The following ZFP42 variants were observed in gnomAD, a reference collection of about 807,000 sequenced individuals.
ZFP42 encodes the protein zinc finger protein 42 homolog.
For synonymous variants in ZFP42, 175 were observed against 144.6 expected (o/e 1.21, Z -1.51); for missense variants, 438 against 377.1 (o/e 1.16, Z -1.34).
chr4:188,003,908 C>T lies in ZFP42; in HGVS notation c.*168C>T, dbSNP rs944809296. On this transcript the variant is annotated 3_prime_UTR_variant, in exon 4 of 4. Coordinates refer to ENST00000326866, the MANE Select transcript of ZFP42 (RefSeq NM_174900.5). ...ACACTTTGTGATACCGTTTTAAGGACATGGTGCATTTTTTTTTCTTTTATT... is the reference window on the plus strand; with the variant it reads ...ACACTTTGTGATACCGTTTTAAGGATATGGTGCATTTTTTTTTCTTTTATT... The T allele has an allele frequency of 8.3e-6, 5 of 599,318 alleles. No homozygotes were observed. Among genetic ancestry groups the T allele is most frequent in the Non-Finnish European group, 1.4e-5 (5 of 357,754 alleles). 37.1% of individuals were successfully genotyped at this position (599,318 alleles called of 1,614,324 possible).
intron 1 of ZFP42, among the ~76,000 whole-genome samples, chr4:187,996,885 T>C (rs1733593561): frequency 6.6e-6 from 1 of 152,180 alleles, no homozygotes; most frequent in Non-Finnish European, 1.5e-5. Flanking sequence ...TGTAATGGTT[T>C]CCTTGGGACC....
intron 1 of ZFP42, among the ~76,000 whole-genome samples, chr4:187,998,486 C>T (rs189165028): frequency 4.4e-4 from 67 of 152,264 alleles, no homozygotes; most frequent in Non-Finnish European, 9.0e-4. Flanking sequence ...ACAGTGGCGT[C>T]CCAGGCCTTC....
Position 187,995,774 on chromosome 4 carries a change from T to C in ZFP42, c.-405T>C, listed in dbSNP as rs1733539581. On this transcript the variant is annotated 5_prime_UTR_variant, in exon 1 of 4. Transcript: ENST00000326866. Reference sequence around the variant, plus strand: ...GGGCAGTCCACGTTTCCACTGCAGTTTCTCCTTTGTTTTACGTTTGGGAGG... The same window carrying C: ...GGGCAGTCCACGTTTCCACTGCAGTCTCTCCTTTGTTTTACGTTTGGGAGG... 1 of 152,366 alleles carries C rather than the reference T, an allele frequency of 6.6e-6. No homozygotes were observed. Among genetic ancestry groups the C allele is most frequent in the Non-Finnish European group, 1.5e-5 (1 of 68,166 alleles). The allele number at this position is 152,366 out of a possible 1,614,324, so 9.4% of individuals were successfully genotyped here.
chr4:188,002,723 AAG>A lies in ZFP42; in HGVS notation c.-83_-82del. The A allele has an allele frequency of 8.8e-7, 1 of 1,142,016 alleles. No individual in the cohort carries two copies. The highest frequency in any genetic ancestry group is 2.4e-5 in the East Asian group (1 of 42,328). The allele number at this position is 1,142,016 out of a possible 1,614,324, so 70.7% of individuals were successfully genotyped here. ...ATTATCATAAAGCAGGTGTTTGCTG[AAG>A]ACAGCTTACTCAGATCACTACTGCC... is the stretch of plus-strand genomic sequence containing the variant. On this transcript the variant is annotated 5_prime_UTR_variant, in exon 4 of 4. Coordinates refer to ENST00000326866, the MANE Select transcript of ZFP42 (RefSeq NM_174900.5).
chr4:188,003,468 G>A lies in ZFP42; in HGVS notation c.661G>A (p.Glu221Lys), dbSNP rs1331249996. 2.5e-6 allele frequency: 4 copies of A among 1,613,902 alleles called. No homozygotes were observed. Among genetic ancestry groups the A allele is most frequent in the African/African-American group, 1.3e-5 (1 of 74,940 alleles). Reference sequence around the variant, plus strand: ...TGGTCCCCGAGACCACGTCTGTGCGGAATGTGGGAAAGCGTTCGTTGAGAG... The same window carrying A: ...TGGTCCCCGAGACCACGTCTGTGCGAAATGTGGGAAAGCGTTCGTTGAGAG... ...IHGPRDHVCA[E>K]CGKAFVESSK... Residue 221 changes from glutamate (E) to lysine (K), a missense_variant, in exon 4 of 4, where the codon GAA becomes AAA. Coordinates refer to ENST00000326866, the MANE Select transcript of ZFP42 (RefSeq NM_174900.5).
Position 188,002,932 on chromosome 4 carries a change from C to G in ZFP42, c.125C>G (p.Pro42Arg), listed in dbSNP as rs1478941839. Residue 42 changes from proline (P) to arginine (R), a missense_variant, in exon 4 of 4, where the codon CCT (proline) becomes CGT (arginine). Physicochemically the swap from Pro to Arg is moderately radical, Grantham distance 103. Transcript: ENST00000326866. ...SSQDLQAEIE[P>R]VSAVWALCDG... ...CAAGACCTGCAGGCGGAAATAGAAC[C>G]TGTCAGCGCGGTGTGGGCCTTATGT... 5 of 1,614,164 alleles carry G rather than the reference C, an allele frequency of 3.1e-6. No homozygotes were observed. The highest frequency in any genetic ancestry group is 3.3e-5 in the Admixed American group (2 of 60,022).
chr4:188,003,986 T>C lies in ZFP42; in HGVS notation c.*246T>C. Reference sequence around the variant, plus strand: ...TTTTATTTAGAACTTTGTGTGTTCTTAAAGTGTGCTTCCAACAGGAAGGTC... The same window carrying C: ...TTTTATTTAGAACTTTGTGTGTTCTCAAAGTGTGCTTCCAACAGGAAGGTC... On this transcript the variant is annotated 3_prime_UTR_variant, in exon 4 of 4. Coordinates refer to ENST00000326866, the MANE Select transcript of ZFP42 (RefSeq NM_174900.5). 2.5e-6 allele frequency: 1 copy of C among 394,410 alleles called. No homozygotes were observed. Among genetic ancestry groups the C allele is most frequent in the Middle Eastern group, 7.4e-4 (1 of 1,354 alleles). The allele number at this position is 394,410 out of a possible 1,614,324, so 24.4% of individuals were successfully genotyped here.
At position 188,002,806 on chromosome 4, in the gene ZFP42, A is replaced by T. The variant is rs368646188; in HGVS notation, c.-2A>T. ...CTTCAAGAAGGGCACAGGCAGGAAA[A>T]CATGAGCCAGCAACTGAAGAAACGG... On this transcript the variant is annotated 5_prime_UTR_variant, in exon 4 of 4. Transcript: ENST00000326866. 1.4e-5 allele frequency: 23 copies of T among 1,613,364 alleles called. 1 individual carries two copies. In the African/African-American group the frequency reaches 1.7e-4, roughly 12 times the overall value.
In ZFP42 at chr4:188,000,100, A is replaced by G. The variant is rs376524761; in HGVS notation, c.-96+415A>G. Among the ~76,000 whole-genome samples, 93 of 152,274 alleles carry G rather than the reference A, an allele frequency of 6.1e-4. 1 individual carries two copies. The Middle Eastern group carries it at 0.02, about 33-fold the overall frequency. On this transcript the variant is annotated intron_variant, in intron 3 of 3. Coordinates refer to ENST00000326866, the MANE Select transcript of ZFP42 (RefSeq NM_174900.5). ...ATCAGATTTTTTTGAATGTTTGAGT[A>G]TTTGCAAAATACCCAATATGAGCAT... is the stretch of plus-strand genomic sequence containing the variant.
intron 1 of ZFP42, among the ~76,000 whole-genome samples, chr4:187,996,098 G>A (rs1733549971): frequency 6.6e-6 from 1 of 152,158 alleles, no homozygotes; most frequent in African/African-American, 2.4e-5. Context: ...AGTGTCTGGC[G>A]GTGATTTCCT....
Position 188,002,941 on chromosome 4 carries a change from C to G in ZFP42, c.134C>G (p.Ala45Gly), listed in dbSNP as rs898407887. The stretch of plus-strand genomic sequence containing the variant: ...CAGGCGGAAATAGAACCTGTCAGCG[C>G]GGTGTGGGCCTTATGTGATGGCTAT... ...DLQAEIEPVSAVWALCDGYVC... is the reference protein window; with the variant it reads ...DLQAEIEPVSGVWALCDGYVC... Residue 45 changes from alanine to glycine, a missense_variant, in exon 4 of 4, where the codon GCG (alanine) becomes GGG (glycine). Coordinates refer to ENST00000326866, the MANE Select transcript of ZFP42 (RefSeq NM_174900.5). The G allele has an allele frequency of 3.7e-6, 6 of 1,614,000 alleles. 1 individual carries two copies. The South Asian group carries it at 6.6e-5, about 18-fold the overall frequency.
Position 188,003,657 on chromosome 4 carries a change from A to C in ZFP42, c.850A>C (p.Arg284=). Residue 284 remains arginine (R), a synonymous_variant, in exon 4 of 4, where the codon AGG becomes CGG. Coordinates refer to ENST00000326866, the MANE Select transcript of ZFP42 (RefSeq NM_174900.5). ...RFVCPFQGCN[R]RFIQSNNLKA... is the part of the protein sequence containing the mutation. ...CGTGTGTCCCTTTCAAGGCTGCAACAGGAGGTTTATTCAGTCAAATAACCT... is the reference window on the plus strand; with the variant it reads ...CGTGTGTCCCTTTCAAGGCTGCAACCGGAGGTTTATTCAGTCAAATAACCT... 6.2e-7 allele frequency: 1 copy of C among 1,613,842 alleles called. No individual in the cohort carries two copies. Among genetic ancestry groups the C allele is most frequent in the Non-Finnish European group, 8.5e-7 (1 of 1,180,048 alleles).
intron 3 of ZFP42, among the ~76,000 whole-genome samples, chr4:188,001,411 G>A (rs532064544): frequency 1.8e-4 from 28 of 152,304 alleles, no homozygotes; most frequent in Non-Finnish European, 3.4e-4. Flanking sequence ...GAAATGATAG[G>A]AAAGTCTTCA....
In ZFP42 at chr4:188,003,761, G is replaced by C. The variant is rs1460074666; in HGVS notation, c.*21G>C. On this transcript the variant is annotated 3_prime_UTR_variant, in exon 4 of 4. Coordinates refer to ENST00000326866, the MANE Select transcript of ZFP42 (RefSeq NM_174900.5). ...AGTAGTCCTCCAACAGGATGAAGCA[G>C]ATTAACAGAAGAGTGATCAGTGACA... 3.1e-6 allele frequency: 5 copies of C among 1,588,192 alleles called. No individual in the cohort carries two copies. The East Asian group carries it at 9.0e-5, about 29-fold the overall frequency.
rs1733953307 is a variant in ZFP42, at chr4:188,003,898, G to A, written c.*158G>A. 7.6e-6 allele frequency: 5 copies of A among 653,846 alleles called. No homozygotes were observed. The highest frequency in any genetic ancestry group is 2.7e-4 in the Middle Eastern group (1 of 3,650). The allele number at this position is 653,846 out of a possible 1,614,324, so 40.5% of individuals were successfully genotyped here. On this transcript the variant is annotated 3_prime_UTR_variant, in exon 4 of 4. Transcript: ENST00000326866. ...AGATGCTCCTACACTTTGTGATACCGTTTTAAGGACATGGTGCATTTTTTT... is the reference window on the plus strand; with the variant it reads ...AGATGCTCCTACACTTTGTGATACCATTTTAAGGACATGGTGCATTTTTTT...
rs759109796 is a variant in ZFP42, at chr4:188,002,775, G to A, written c.-33G>A. ...CTGGAGGTGGTTGATATATCCTGGT[G>A]TAAACCTTCAAGAAGGGCACAGGCA... On this transcript the variant is annotated 5_prime_UTR_variant, in exon 4 of 4. Transcript: ENST00000326866. 19 of 1,600,104 alleles carry A rather than the reference G, an allele frequency of 1.2e-5. No homozygotes were observed. In the South Asian group the frequency reaches 2.0e-4, roughly 17 times the overall value.
In ZFP42 at chr4:188,003,989, AGT is replaced by A. The variant is rs1733960093; in HGVS notation, c.*253_*254del. 1 of 389,268 alleles carries A rather than the reference AGT, an allele frequency of 2.6e-6. No individual in the cohort carries two copies. The highest frequency in any genetic ancestry group is 5.4e-5 in the South Asian group (1 of 18,658). The allele number at this position is 389,268 out of a possible 1,614,324, so 24.1% of individuals were successfully genotyped here. On this transcript the variant is annotated 3_prime_UTR_variant, in exon 4 of 4. Coordinates refer to ENST00000326866, the MANE Select transcript of ZFP42 (RefSeq NM_174900.5). ...TATTTAGAACTTTGTGTGTTCTTAAAGTGTGCTTCCAACAGGAAGGTCAGTGA... is the reference window on the plus strand; with the variant it reads ...TATTTAGAACTTTGTGTGTTCTTAAAGTGCTTCCAACAGGAAGGTCAGTGA...
At chr4:187,998,183 G>A (rs572436947) in intron 1 of ZFP42, among the ~76,000 whole-genome samples, 3 of 151,964 alleles carry the variant, frequency 2.0e-5, no homozygotes, top group South Asian at 2.1e-4. Context: ...CTAAAAATAC[G>A]AAATTAGCTG....
chr4:188,003,214 T>A lies in ZFP42; in HGVS notation c.407T>A (p.Val136Asp). 4.3e-6 allele frequency: 7 copies of A among 1,613,876 alleles called. No homozygotes were observed. The highest frequency in any genetic ancestry group is 5.9e-6 in the Non-Finnish European group (7 of 1,179,984). Residue 136 changes from valine to aspartate, a missense_variant, in exon 4 of 4, where the codon GTT (valine) becomes GAT (aspartate). Coordinates refer to ENST00000326866, the MANE Select transcript of ZFP42 (RefSeq NM_174900.5). ...AAGAAAGAGCTTCCACAAAAGATAG[T>A]TGGAGAGAATTCGCTTGAGTATTCT... The part of the protein sequence containing the change: ...GVKKELPQKI[V>D]GENSLEYSEY...
Sources: gnomAD v4.1 joint callset for allele counts (sites outside exome capture counted in the v4.1 genomes callset) on GRCh38, gnomAD v4.1.1 for gene constraint, MANE v1.5 for transcripts, NCBI Gene and HGNC (gene_info 2026-07-23, HGNC 2026-07-21) for gene names.